Variants in TDRP observed in about 807,000 individuals in gnomAD.
TDRP encodes the protein testis development related protein.
TDRP carries 12 observed loss-of-function variants against 10.5 expected under a neutral mutation model. That is an observed-to-expected ratio of 1.15 (90% CI 0.73 to 1.86). TDRP has a LOEUF of 1.86. Ranked by LOEUF, TDRP falls within the 40% of genes most tolerant of loss-of-function variation. TDRP has a pLI of 0.00. For missense variants in TDRP, 353 were observed against 229.2 expected (o/e 1.54, Z -3.49); for synonymous variants, 139 against 95.4 (o/e 1.46, Z -2.67).
At chr8:506,381 C>G (rs1801465874) in intron 1 of TDRP, among the ~76,000 whole-genome samples, 1 of 152,318 alleles carries the variant, frequency 6.6e-6, no homozygotes, top group Admixed American at 6.5e-5. Flanking sequence ...CCTCTCACTC[C>G]AGCTCCAAGT....
At chr8:496,200 C>T (rs988257907) in intron 1 of TDRP, among the ~76,000 whole-genome samples, 9 of 152,204 alleles carry the variant, frequency 5.9e-5, no homozygotes, top group East Asian at 1.9e-4. Context: ...GCACAAAAAC[C>T]GATCACACAA....
intron 1 of TDRP, 140 bp from the exon 2 acceptor site, chr8:494,737 A>C: frequency 1.4e-6 from 1 of 690,100 alleles, no homozygotes; most frequent in South Asian, 1.9e-5. Flanking sequence ...ACCTGTGCGC[A>C]CATAGTTTAC....
At chr8:535,374 G>A (rs1325787037) in intron 1 of TDRP, among the ~76,000 whole-genome samples, 3 of 152,070 alleles carry the variant, frequency 2.0e-5, no homozygotes, top group Non-Finnish European at 2.9e-5. Flanking sequence ...ACTGTGGTTC[G>A]CCTGGTTATA....
chr8:509,138 G>A (rs984035371), intron 1 of TDRP, among the ~76,000 whole-genome samples: 10 of 152,232 alleles, frequency 6.6e-5, no homozygotes, highest in African/African-American at 1.2e-4. Context: ...GCCCCCTGGC[G>A]CCAGCTGCTT....
intron 1 of TDRP, among the ~76,000 whole-genome samples, chr8:532,830 A>T (rs1408737263): frequency 7.8e-6 from 1 of 127,834 alleles, no homozygotes; most frequent in Admixed American, 8.3e-5. Flanking sequence ...ACTATACTGG[A>T]ACCCAGCCAC....
At chr8:543,050 G>C (rs761961503) in intron 1 of TDRP, among the ~76,000 whole-genome samples, 4 of 152,184 alleles carry the variant, frequency 2.6e-5, no homozygotes, top group Non-Finnish European at 5.9e-5. Context: ...ACTCACGCCT[G>C]TGATCCTAGT....
At chr8:494,465 G>C (rs765041682) in intron 2 of TDRP, 29 bp downstream of exon 2, 1 of 1,599,342 alleles carries the variant, frequency 6.3e-7, no homozygotes, top group Admixed American at 1.7e-5. Flanking sequence ...CTCCTGAAAT[G>C]ATCATTTTCT....
intron 1 of TDRP, among the ~76,000 whole-genome samples, chr8:503,287 C>T (rs760001461): frequency 2.3e-4 from 34 of 149,238 alleles, no homozygotes; most frequent in Non-Finnish European, 4.6e-4. Context: ...CCCACGTCCA[C>T]CTCAGCACAC....
intron 1 of TDRP, among the ~76,000 whole-genome samples, chr8:524,477 C>T (rs889151934): frequency 1.3e-5 from 2 of 152,130 alleles, no homozygotes; most frequent in African/African-American, 4.8e-5. Flanking sequence ...AGATATGTGA[C>T]CTTTCACAGA....
rs1268250830 is a variant in TDRP, at chr8:491,564, G to C, written c.*835C>G. The C allele has an allele frequency of 1.4e-6, 2 of 1,474,214 alleles. No homozygotes were observed. Among genetic ancestry groups the C allele is most frequent in the Non-Finnish European group, 1.8e-6 (2 of 1,116,514 alleles). 91.3% of individuals were successfully genotyped at this position (1,474,214 alleles called of 1,614,324 possible). On this transcript the variant is annotated 3_prime_UTR_variant, in exon 3 of 3. Transcript: ENST00000324079. ...ACAAACATATGAGCCTAATAAAAAA[G>C]AGGCACTTCAGTATTTTATGCACAG...
chr8:505,105 T>C (rs1028480162), intron 1 of TDRP, among the ~76,000 whole-genome samples: 4 of 152,188 alleles, frequency 2.6e-5, no homozygotes, highest in Non-Finnish European at 4.4e-5. Flanking sequence ...AAACAAACAT[T>C]AATTACCACA....
intron 1 of TDRP, among the ~76,000 whole-genome samples, chr8:538,183 C>G (rs1259527713): frequency 6.6e-6 from 1 of 152,142 alleles, no homozygotes; most frequent in East Asian, 1.9e-4. Context: ...AAAGGAGTCT[C>G]GGGATGGGAA....
At chr8:527,081 C>T (rs1164788633) in intron 1 of TDRP, among the ~76,000 whole-genome samples, 2 of 152,048 alleles carry the variant, frequency 1.3e-5, no homozygotes, top group African/African-American at 4.8e-5. Context: ...GCTATTAAAA[C>T]TAATAAACAA....
upstream of TDRP, chr8:545,570 A>AGGGGAAGGTGGAGGGGGCACAGTCC (rs1802631921): frequency 6.6e-6 from 1 of 152,190 alleles, no homozygotes. Context: ...GGCAAGGCTG[A>AGGGGAAGGTGGAGGGGGCACAGTCC]GGGGAAGGTG....
At chr8:518,797 T>C (rs950448001) in intron 1 of TDRP, among the ~76,000 whole-genome samples, 1 of 152,044 alleles carries the variant, frequency 6.6e-6, no homozygotes, top group African/African-American at 2.4e-5. Flanking sequence ...TACATAAATA[T>C]CTTAATAGAA....
Position 491,492 on chromosome 8 carries a change from T to G in TDRP, c.*907A>C, listed in dbSNP as rs901267333. Reference sequence around the variant, plus strand: ...TTATTCTTGTGGAAAAAACACAGCTTCTTACAGATCTAACACCAATCACAA... The same window carrying G: ...TTATTCTTGTGGAAAAAACACAGCTGCTTACAGATCTAACACCAATCACAA... On this transcript the variant is annotated 3_prime_UTR_variant, in exon 3 of 3. Coordinates refer to ENST00000324079, the MANE Select transcript of TDRP (RefSeq NM_001384899.1). The G allele has an allele frequency of 2.1e-6, 2 of 943,496 alleles. No homozygotes were observed. Among genetic ancestry groups the G allele is most frequent in the Non-Finnish European group, 2.9e-6 (2 of 681,242 alleles). The allele number at this position is 943,496 out of a possible 1,614,324, so 58.4% of individuals were successfully genotyped here.
intron 1 of TDRP, among the ~76,000 whole-genome samples, chr8:526,379 G>A (rs545507535): frequency 2.1e-4 from 32 of 152,268 alleles, no homozygotes; most frequent in African/African-American, 7.5e-4. Context: ...ATTATGTGGA[G>A]TTATGTTCCT....
chr8:535,181 GCCC>G (rs1382745923), intron 1 of TDRP, among the ~76,000 whole-genome samples: 1 of 152,088 alleles, frequency 6.6e-6, no homozygotes, highest in Non-Finnish European at 1.5e-5. Context: ...CACACCCACA[GCCC>G]CCAAGGCCTC....
chr8:505,729 C>A (rs1458644473), intron 1 of TDRP, among the ~76,000 whole-genome samples: 1 of 152,190 alleles, frequency 6.6e-6, no homozygotes, highest in Non-Finnish European at 1.5e-5. Flanking sequence ...TCTCACAGCC[C>A]AGGCTTGTGT....
Sources: gnomAD v4.1 joint callset for allele counts (sites outside exome capture counted in the v4.1 genomes callset) on GRCh38, gnomAD v4.1.1 for gene constraint, MANE v1.5 for transcripts, NCBI Gene and HGNC (gene_info 2026-07-23, HGNC 2026-07-21) for gene names.